ASIC2: variants seen among roughly 807,000 people sequenced by gnomAD.
ASIC2 encodes the protein acid sensing ion channel subunit 2.
A neutral mutation model predicts 57.3 loss-of-function variants in ASIC2; 25 were observed. The observed-to-expected ratio is 0.44, with a 90% confidence interval of 0.32 to 0.61. The LOEUF (loss-of-function observed/expected upper bound fraction) is 0.61, where lower values mean the gene tolerates loss of function less well. ASIC2 is among the 20% of genes least tolerant of loss of function. The pLI, the probability that ASIC2 is intolerant of heterozygous loss-of-function variation, is 0.06. For missense variants in ASIC2, 641 were observed against 738.1 expected (o/e 0.87, Z 1.52); for synonymous variants, 319 against 307.5 (o/e 1.04, Z -0.39).
chr17:34,063,156 A>G (rs1017652560), intron 1 of ASIC2, among the ~76,000 whole-genome samples: 7 of 152,192 alleles, frequency 4.6e-5, no homozygotes, highest in African/African-American at 1.2e-4. Flanking sequence ...CAACATACCA[A>G]AAAGAGAATC....
intron 1 of ASIC2, among the ~76,000 whole-genome samples, chr17:33,538,032 C>T (rs894452176): frequency 6.6e-5 from 10 of 152,182 alleles, no homozygotes; most frequent in Non-Finnish European, 1.5e-4. Flanking sequence ...TGATATCCTC[C>T]TATGGCTGGT....
chr17:33,378,454 C>T (rs1327741293), intron 1 of ASIC2, among the ~76,000 whole-genome samples: 1 of 152,116 alleles, frequency 6.6e-6, no homozygotes, highest in African/African-American at 2.4e-5. Context: ...TCTGCAGGCC[C>T]AGGGAAGTGG....
intron 1 of ASIC2, among the ~76,000 whole-genome samples, chr17:33,448,026 G>T (rs1912094213): frequency 6.8e-6 from 1 of 146,532 alleles, no homozygotes; most frequent in Non-Finnish European, 1.5e-5. Flanking sequence ...CATGTACCCT[G>T]AAAGCATGTA....
chr17:34,005,465 T>C (rs1260405326), intron 1 of ASIC2: 1 of 138,854 alleles, frequency 7.2e-6, no homozygotes, highest in East Asian at 1.9e-4. Flanking sequence ...TCTCCCCCTG[T>C]TATCTTTAGG....
At chr17:33,858,297 C>G (rs958299973) in intron 1 of ASIC2, among the ~76,000 whole-genome samples, 1 of 152,128 alleles carries the variant, frequency 6.6e-6, no homozygotes, top group Non-Finnish European at 1.5e-5. Context: ...AGAAGCACAG[C>G]GAGTAATGCC....
In ASIC2 at chr17:33,975,620, C is replaced by T. The variant is rs568678522; in HGVS notation, c.555+180358G>A. Among the ~76,000 whole-genome samples, 23 of 152,178 alleles carry T rather than the reference C, an allele frequency of 1.5e-4. No homozygotes were observed. The South Asian group carries it at 4.4e-3, about 29-fold the overall frequency. On this transcript the variant is annotated intron_variant, in intron 1 of 9. Transcript: ENST00000359872. ...AAGGTCATAAATAGTAAAGAGAGTT[C>T]CAGGCAAGCCTACCAAAATCTGTTT...
intron 1 of ASIC2, among the ~76,000 whole-genome samples, chr17:33,667,525 C>T (rs186223944): frequency 6.6e-6 from 1 of 152,272 alleles, no homozygotes; most frequent in East Asian, 1.9e-4. Context: ...GGTAAAATGG[C>T]CACGTTGCAG....
intron 1 of ASIC2, among the ~76,000 whole-genome samples, chr17:33,721,950 G>A (rs957655774): frequency 6.6e-6 from 1 of 152,218 alleles, no homozygotes; most frequent in African/African-American, 2.4e-5. Flanking sequence ...CTGAGAAAGT[G>A]AAGAAGCAAA....
intron 1 of ASIC2, among the ~76,000 whole-genome samples, chr17:33,235,929 C>T (rs907910409): frequency 4.0e-4 from 60 of 151,898 alleles, no homozygotes; most frequent in African/African-American, 1.4e-3. Context: ...CTCCTCCTCC[C>T]GGGTTCAAGC....
intron 1 of ASIC2, among the ~76,000 whole-genome samples, chr17:34,087,810 C>A (rs1470092195): frequency 6.6e-6 from 1 of 152,092 alleles, no homozygotes; most frequent in Non-Finnish European, 1.5e-5. Context: ...TCACTGATAC[C>A]CTTTCTTCCA....
intron 1 of ASIC2, among the ~76,000 whole-genome samples, chr17:33,876,197 C>T (rs935383889): frequency 2.6e-5 from 4 of 152,142 alleles, no homozygotes; most frequent in African/African-American, 9.7e-5. Context: ...CCTTCTGTAA[C>T]ACCATAGGGA....
At chr17:33,749,248 C>T (rs1555557502) in intron 1 of ASIC2, among the ~76,000 whole-genome samples, 1 of 152,098 alleles carries the variant, frequency 6.6e-6, no homozygotes, top group Non-Finnish European at 1.5e-5. Context: ...TCCCTTTCCC[C>T]CTACCCCAGG....
At chr17:34,030,537 C>T (rs11870762) in intron 1 of ASIC2, among the ~76,000 whole-genome samples, 24,714 of 152,178 alleles carry the variant, frequency 0.16, 2,138 homozygotes, top group African/African-American at 0.23. Context: ...GCACCGTGCG[C>T]GAGCTGAAGT....
chr17:33,981,315 C>T (rs1905613880), intron 1 of ASIC2, among the ~76,000 whole-genome samples: 1 of 152,206 alleles, frequency 6.6e-6, no homozygotes, highest in Non-Finnish European at 1.5e-5. Context: ...CTCAGAGTCT[C>T]CTTCCTGGGG....
At chr17:33,720,747 C>T (rs1318467834) in intron 1 of ASIC2, among the ~76,000 whole-genome samples, 4 of 152,182 alleles carry the variant, frequency 2.6e-5, no homozygotes, top group Admixed American at 6.5e-5. Flanking sequence ...CAGACCAACA[C>T]AGAAATAATG....
chr17:33,429,269 GC>G (rs1911321386), intron 1 of ASIC2, among the ~76,000 whole-genome samples: 1 of 152,180 alleles, frequency 6.6e-6, no homozygotes, highest in Admixed American at 6.5e-5. Flanking sequence ...GGAGCTTTTG[GC>G]TTAGTAGAGA....
chr17:33,871,604 A>C (rs1429308439), intron 1 of ASIC2, among the ~76,000 whole-genome samples: 3 of 151,682 alleles, frequency 2.0e-5, no homozygotes, highest in Admixed American at 1.3e-4. Context: ...GGACCCTCCC[A>C]CCCTCTCCAT....
chr17:34,078,978 T>C (rs1909775931), intron 1 of ASIC2: 1 of 152,206 alleles, frequency 6.6e-6, no homozygotes, highest in Non-Finnish European at 1.5e-5. Context: ...CAATTTTCCT[T>C]CCTAGTAGTG....
At chr17:33,368,152 T>C (rs1908894592) in intron 1 of ASIC2, among the ~76,000 whole-genome samples, 2 of 152,214 alleles carry the variant, frequency 1.3e-5, no homozygotes, top group Admixed American at 6.5e-5. Flanking sequence ...ACAGCTTTGA[T>C]CAATGGGATA....
Sources: allele counts gnomAD v4.1 joint callset (sites outside exome capture counted in the v4.1 genomes callset), GRCh38; gene constraint gnomAD v4.1.1; transcripts MANE v1.5; gene names NCBI Gene and HGNC (gene_info 2026-07-23, HGNC 2026-07-21).